XYLT1: variants seen among roughly 807,000 people sequenced by gnomAD.
XYLT1 encodes the protein beta-D-xylosyltransferase 1.
Under a neutral mutation model 91.3 loss-of-function variants are expected in XYLT1, and 36 were observed. That is an observed-to-expected ratio of 0.39 (90% CI 0.30 to 0.52). The LOEUF is 0.52. XYLT1 is among the 20% of genes least tolerant of loss of function. The pLI, the probability that XYLT1 is intolerant of heterozygous loss-of-function variation, is 0.68. For missense variants in XYLT1, 1,242 were observed against 1,284.5 expected, an observed-to-expected ratio of 0.97 and a Z score of 0.51; for synonymous variants, 588 against 532.0, an observed-to-expected ratio of 1.11 and a Z score of -1.45.
rs527386227 is a variant in XYLT1, at chr16:17,418,162, G to C, written c.363+52272C>G. On this transcript the variant is annotated intron_variant, in intron 1 of 11. Coordinates refer to ENST00000261381, the MANE Select transcript of XYLT1 (RefSeq NM_022166.4). ...GCACTGTTTTAGTCATTACGTTAGA[G>C]AACTATTTGTTACACAGCAGTAGAT... Among the ~76,000 whole-genome samples the C allele has an allele frequency of 2.0e-3, 297 of 152,294 alleles. 1 individual carries two copies. Among genetic ancestry groups the C allele is most frequent in the Non-Finnish European group, 3.3e-3 (225 of 68,030 alleles).
chr16:17,310,603 C>T (rs2034532609), intron 2 of XYLT1, among the ~76,000 whole-genome samples: 1 of 152,200 alleles, frequency 6.6e-6, no homozygotes, highest in South Asian at 2.1e-4. Context: ...GTAATCTCAG[C>T]ACTTTGGGAG....
chr16:17,383,696 G>A (rs2035710882), intron 1 of XYLT1, among the ~76,000 whole-genome samples: 1 of 151,490 alleles, frequency 6.6e-6, no homozygotes, highest in African/African-American at 2.4e-5. Context: ...AGGCCAGGGT[G>A]TGTTTTCCAA....
intron 6 of XYLT1, 121 bp downstream of exon 6, chr16:17,158,708 C>T (rs1432513001): frequency 2.9e-6 from 3 of 1,027,900 alleles, no homozygotes; most frequent in East Asian, 2.4e-5. Flanking sequence ...ACAGCTGGTG[C>T]CAAGCCTTTC....
chr16:17,360,330 G>A (rs1248203992), intron 1 of XYLT1, among the ~76,000 whole-genome samples: 4 of 152,088 alleles, frequency 2.6e-5, no homozygotes, highest in African/African-American at 9.7e-5. Context: ...ACTTTCCTTG[G>A]GAAGTCACAG....
intron 2 of XYLT1, among the ~76,000 whole-genome samples, chr16:17,279,634 T>C (rs2034027781): frequency 6.6e-6 from 1 of 152,200 alleles, no homozygotes; most frequent in South Asian, 2.1e-4. Context: ...GGGCTAACTA[T>C]TGGTGCAGAG....
At chr16:17,332,203 G>A (rs71380526) in intron 2 of XYLT1, among the ~76,000 whole-genome samples, 1,563 of 152,340 alleles carry the variant, frequency 0.01, 18 homozygotes, top group Middle Eastern at 0.024. Context: ...GGTCTGTCCA[G>A]CTTTGGGTGT....
At chr16:17,242,785 G>A (rs2033367556) in intron 3 of XYLT1, among the ~76,000 whole-genome samples, 1 of 152,060 alleles carries the variant, frequency 6.6e-6, no homozygotes, top group South Asian at 2.1e-4. Flanking sequence ...TCTCCCTCAA[G>A]CCCCTAGGTC....
At chr16:17,267,717 G>C (rs2033828136) in intron 2 of XYLT1, among the ~76,000 whole-genome samples, 1 of 152,140 alleles carries the variant, frequency 6.6e-6, no homozygotes. Context: ...CCAAGACTGA[G>C]ACTTTTTGGA....
rs1476457851 is a variant in XYLT1, at chr16:17,385,892, T to A, written c.364-27842A>T. Among the ~76,000 whole-genome samples, 8 of 152,346 alleles carry A rather than the reference T, an allele frequency of 5.3e-5. No individual in the cohort carries two copies. The East Asian group carries it at 1.5e-3, about 29-fold the overall frequency. ...TTACTCAACTAACAGTGGCAATAGA[T>A]GTGGGCTAACTGCACTTCATCTGCA... On this transcript the variant is annotated intron_variant, in intron 1 of 11. Coordinates refer to ENST00000261381, the MANE Select transcript of XYLT1 (RefSeq NM_022166.4).
At chr16:17,448,711 AGGAGGAAGAG>A (rs2036625837) in intron 1 of XYLT1, among the ~76,000 whole-genome samples, 3 of 108,222 alleles carry the variant, frequency 2.8e-5, no homozygotes, top group African/African-American at 1.0e-4. Context: ...AAGAGGGGGG[AGGAGGAAGAG>A]GGGGAAGGGG....
At chr16:17,159,009 A>T in intron 5 of XYLT1, 100 bp from the exon 6 acceptor site, 1 of 1,012,790 alleles carries the variant, frequency 9.9e-7, no homozygotes, top group South Asian at 1.3e-5. Flanking sequence ...TGCTTGAAGC[A>T]CCTTCTCTGA....
chr16:17,415,514 A>AC (rs1325357050), intron 1 of XYLT1, among the ~76,000 whole-genome samples: 1 of 152,038 alleles, frequency 6.6e-6, no homozygotes, highest in African/African-American at 2.4e-5. Flanking sequence ...ACATGGTGAA[A>AC]CCCCATCTCC....
Position 17,310,041 on chromosome 16 carries a change from T to G in XYLT1, c.402+47971A>C, listed in dbSNP as rs554480044. Among the ~76,000 whole-genome samples the G allele has an allele frequency of 5.9e-5, 9 of 152,304 alleles. No homozygotes were observed. In the South Asian group the frequency reaches 1.0e-3, roughly 18 times the overall value. The stretch of plus-strand genomic sequence containing the variant: ...TCATCCCTGTAAAGATGGGATCAGA[T>G]TGAAACTTCTGGGACCTGATTTCAG... On this transcript the variant is annotated intron_variant, in intron 2 of 11. Coordinates refer to ENST00000261381, the MANE Select transcript of XYLT1 (RefSeq NM_022166.4).
At chr16:17,372,344 AGACTTCAAAAATTAAGG>A in intron 1 of XYLT1, among the ~76,000 whole-genome samples, 2 of 152,240 alleles carry the variant, frequency 1.3e-5, no homozygotes, top group Admixed American at 1.3e-4. Flanking sequence ...TTACAGCTGC[AGACTTCAAAAATTAAGG>A]CTAATTAAGA....
At chr16:17,275,053 T>C (rs1262558335) in intron 2 of XYLT1, among the ~76,000 whole-genome samples, 1 of 152,074 alleles carries the variant, frequency 6.6e-6, no homozygotes, top group African/African-American at 2.4e-5. Context: ...GGTGTGCGCC[T>C]GTAATACCAG....
At chr16:17,373,373 C>T (rs1426095913) in intron 1 of XYLT1, among the ~76,000 whole-genome samples, 1 of 152,190 alleles carries the variant, frequency 6.6e-6, no homozygotes, top group African/African-American at 2.4e-5. Context: ...TTTTTGAATG[C>T]TCACACCAAC....
At chr16:17,147,600 C>CTAAG (rs1170015985) in intron 6 of XYLT1, among the ~76,000 whole-genome samples, 7 of 152,130 alleles carry the variant, frequency 4.6e-5, no homozygotes, top group Non-Finnish European at 8.8e-5. Context: ...CTTTGGTTAA[C>CTAAG]TAAGAGTAAA....
intron 5 of XYLT1, among the ~76,000 whole-genome samples, chr16:17,192,248 G>A (rs746848899): frequency 2.6e-5 from 4 of 151,920 alleles, no homozygotes; most frequent in Non-Finnish European, 5.9e-5. Context: ...ACAGGCGCCC[G>A]CCACCACACC....
chr16:17,426,190 C>T (rs1484295866), intron 1 of XYLT1, among the ~76,000 whole-genome samples: 6 of 152,040 alleles, frequency 3.9e-5, no homozygotes, highest in South Asian at 2.1e-4. Flanking sequence ...GTTCTAGATA[C>T]GGGGAGAAAA....
Sources: gnomAD v4.1 joint callset for allele counts (sites outside exome capture counted in the v4.1 genomes callset) on GRCh38, gnomAD v4.1.1 for gene constraint, MANE v1.5 for transcripts, NCBI Gene and HGNC (gene_info 2026-07-23, HGNC 2026-07-21) for gene names.